Variants in ZNF385D observed in about 807,000 individuals in gnomAD.
ZNF385D encodes the protein zinc finger protein 659.
ZNF385D carries 15 observed loss-of-function variants against 35.8 expected under a neutral mutation model. That is an observed-to-expected ratio of 0.42 (90% CI 0.28 to 0.64). The LOEUF is 0.64. ZNF385D is among the 30% of genes least tolerant of loss of function. The pLI is 0.23. For missense variants in ZNF385D, 474 were observed against 494.6 expected (o/e 0.96, Z 0.39); for synonymous variants, 212 against 186.8 (o/e 1.13, Z -1.10).
At chr3:21,450,684 C>T (rs904228891) in intron 4 of ZNF385D, among the ~76,000 whole-genome samples, 1 of 152,096 alleles carries the variant, frequency 6.6e-6, no homozygotes. Context: ...TTCAAGCGCA[C>T]ACATAATTCT....
At chr3:22,107,621 T>A (rs78774257) in intron 3 of ZNF385D, among the ~76,000 whole-genome samples, 2,931 of 152,224 alleles carry the variant, frequency 0.019, 96 homozygotes, top group African/African-American at 0.066. Flanking sequence ...ATATGCTTAC[T>A]GCAGGAAAAT....
intron 3 of ZNF385D, among the ~76,000 whole-genome samples, chr3:22,089,110 G>T (rs528337777): frequency 2.8e-4 from 43 of 152,242 alleles, no homozygotes; most frequent in South Asian, 1.2e-3. Context: ...TCTAAGTGTG[G>T]CATGAGTAAA....
intron 3 of ZNF385D, among the ~76,000 whole-genome samples, chr3:21,956,189 GAAAC>G (rs1299820758): frequency 2.0e-5 from 3 of 149,940 alleles, no homozygotes; most frequent in Non-Finnish European, 4.4e-5. Flanking sequence ...TATGTCTCAG[GAAAC>G]AAACAAACAA....
At chr3:21,475,421 A>G (rs1295947893) in intron 4 of ZNF385D, among the ~76,000 whole-genome samples, 1 of 152,140 alleles carries the variant, frequency 6.6e-6, no homozygotes, top group Non-Finnish European at 1.5e-5. Context: ...CAAATATCTA[A>G]TGGCCCTTTT....
chr3:21,649,345 G>A (rs1011410206), intron 2 of ZNF385D, among the ~76,000 whole-genome samples: 1 of 152,194 alleles, frequency 6.6e-6, no homozygotes, highest in Admixed American at 6.5e-5. Context: ...GAGATAACAT[G>A]GACACAGTGT....
At chr3:22,003,161 A>G (rs1253236134) in intron 3 of ZNF385D, among the ~76,000 whole-genome samples, 2 of 152,214 alleles carry the variant, frequency 1.3e-5, no homozygotes, top group African/African-American at 2.4e-5. Flanking sequence ...ATAATATTAC[A>G]TATTAAAAAC....
intron 3 of ZNF385D, among the ~76,000 whole-genome samples, chr3:21,807,901 A>G (rs918146146): frequency 1.3e-5 from 2 of 152,174 alleles, no homozygotes; most frequent in Admixed American, 6.5e-5. Flanking sequence ...TATTTTTAGT[A>G]TGTAAGCTAA....
intron 3 of ZNF385D, among the ~76,000 whole-genome samples, chr3:21,909,905 T>A (rs1349461758): frequency 3.3e-5 from 5 of 152,032 alleles, no homozygotes; most frequent in Admixed American, 3.3e-4. Context: ...TGTATCATTG[T>A]TGATATATGG....
intron 3 of ZNF385D, among the ~76,000 whole-genome samples, chr3:21,783,873 C>T (rs556581589): frequency 3.3e-5 from 5 of 152,220 alleles, no homozygotes; most frequent in Admixed American, 6.5e-5. Flanking sequence ...GAAAGTCAAG[C>T]GTTTCCTAAA....
At chr3:22,148,268 A>G (rs1211436729) in intron 3 of ZNF385D, among the ~76,000 whole-genome samples, 3 of 152,328 alleles carry the variant, frequency 2.0e-5, no homozygotes, top group South Asian at 2.1e-4. Flanking sequence ...GCCATAGTCC[A>G]GAAGCAGTAA....
chr3:21,644,905 A>G (rs2065707701), intron 2 of ZNF385D, among the ~76,000 whole-genome samples: 1 of 152,214 alleles, frequency 6.6e-6, no homozygotes, highest in African/African-American at 2.4e-5. Context: ...TGAAATGCCC[A>G]GCACAGTGCC....
At chr3:21,434,524 G>T (rs545083634) in intron 5 of ZNF385D, among the ~76,000 whole-genome samples, 2 of 152,296 alleles carry the variant, frequency 1.3e-5, no homozygotes, top group African/African-American at 2.4e-5. Flanking sequence ...GTTGTTTAGT[G>T]CAGGTAAGAT....
At chr3:21,656,564 A>G (rs573660478) in intron 2 of ZNF385D, among the ~76,000 whole-genome samples, 1 of 152,076 alleles carries the variant, frequency 6.6e-6, no homozygotes, top group East Asian at 1.9e-4. Context: ...AACTAATTAC[A>G]TCTTCAATGA....
chr3:22,047,924 T>C (rs1559331996), intron 3 of ZNF385D, among the ~76,000 whole-genome samples: 1 of 152,214 alleles, frequency 6.6e-6, no homozygotes, highest in African/African-American at 2.4e-5. Flanking sequence ...CATTGGTTTT[T>C]TTGCTAATAT....
At chr3:22,280,779 T>C (rs900137506) in intron 2 of ZNF385D, among the ~76,000 whole-genome samples, 3 of 152,118 alleles carry the variant, frequency 2.0e-5, no homozygotes, top group African/African-American at 4.8e-5. Flanking sequence ...AATTTTATGA[T>C]TATTTTTTCT....
chr3:21,848,661 T>A (rs1696173970), intron 3 of ZNF385D, among the ~76,000 whole-genome samples: 2 of 151,936 alleles, frequency 1.3e-5, no homozygotes, highest in Admixed American at 1.3e-4. Context: ...TCCTAGGAAC[T>A]TACAACCTAC....
intron 3 of ZNF385D, among the ~76,000 whole-genome samples, chr3:21,774,558 G>A (rs559644888): frequency 5.3e-5 from 8 of 151,908 alleles, no homozygotes; most frequent in African/African-American, 1.9e-4. Context: ...CTATTCCATG[G>A]AATCACAAAG....
intron 1 of ZNF385D, among the ~76,000 whole-genome samples, chr3:21,708,082 T>G (rs1468714360): frequency 6.6e-6 from 1 of 152,208 alleles, no homozygotes; most frequent in Non-Finnish European, 1.5e-5. Context: ...ATATCTTCAT[T>G]TCCTTTTTGC....
intron 3 of ZNF385D, among the ~76,000 whole-genome samples, chr3:22,120,539 T>C (rs536832490): frequency 6.6e-6 from 1 of 152,250 alleles, no homozygotes; most frequent in Admixed American, 6.5e-5. Flanking sequence ...CAACTCTTAA[T>C]ACACAGCACA....
Sources: gnomAD v4.1 joint callset for allele counts (sites outside exome capture counted in the v4.1 genomes callset) on GRCh38, gnomAD v4.1.1 for gene constraint, MANE v1.5 for transcripts, NCBI Gene and HGNC (gene_info 2026-07-23, HGNC 2026-07-21) for gene names.